Variants in FMN2 observed in about 807,000 individuals in gnomAD.
FMN2 encodes formin 2, also known as formin-2.
Under a neutral mutation model 142.3 loss-of-function variants are expected in FMN2, and 51 were observed. That is an observed-to-expected ratio of 0.36 (90% CI 0.29 to 0.45). The LOEUF (loss-of-function observed/expected upper bound fraction) is 0.45. FMN2 is among the 20% of genes least tolerant of loss of function. FMN2 has a pLI of 1.00. For synonymous variants in FMN2, 882 were observed against 869.8 expected (o/e 1.01, Z -0.25); for missense variants, 1,936 against 2,122.8 (o/e 0.91, Z 1.73).
chr1:240,207,040 C>T lies in FMN2; in HGVS notation c.2228C>T (p.Ser743Leu), dbSNP rs1397813836. 3.7e-6 allele frequency: 6 copies of T among 1,614,102 alleles called. No homozygotes were observed. Among genetic ancestry groups the T allele is most frequent in the Admixed American group, 1.7e-5 (1 of 60,010 alleles). ...VRHHRILEAK[S>L]IQTSPTEEGG... is the part of the protein sequence containing the mutation. ...CATCATAGGATTTTAGAGGCGAAAT[C>T]GATACAGACTTCCCCCACGGAAGAG... Residue 743 changes from serine (S) to leucine (L), a missense_variant, in exon 5 of 18, where the codon TCG (serine) becomes TTG (leucine). Physicochemically the swap from Ser to Leu is moderately radical, Grantham distance 145. Coordinates refer to ENST00000319653, the MANE Select transcript of FMN2 (RefSeq NM_020066.5).
At chr1:240,154,996 C>A (rs1479125636) in intron 2 of FMN2, among the ~76,000 whole-genome samples, 3 of 151,498 alleles carry the variant, frequency 2.0e-5, no homozygotes, top group Non-Finnish European at 4.4e-5. Flanking sequence ...AAGCAATCCC[C>A]CCCCCGACCT....
At chr1:240,263,644 C>G (rs78079900) in intron 7 of FMN2, among the ~76,000 whole-genome samples, 2 of 152,118 alleles carry the variant, frequency 1.3e-5, no homozygotes, top group Non-Finnish European at 2.9e-5. Flanking sequence ...GCCTTTCTTG[C>G]GTAGTGCTGG....
chr1:240,234,224 AT>A (rs1227424513), intron 6 of FMN2, among the ~76,000 whole-genome samples: 12 of 151,960 alleles, frequency 7.9e-5, no homozygotes, highest in Admixed American at 5.9e-4. Context: ...AAATTATTGA[AT>A]TTTTTTGCAT....
At chr1:240,178,885 A>C (rs746460296) in intron 3 of FMN2, among the ~76,000 whole-genome samples, 2 of 152,126 alleles carry the variant, frequency 1.3e-5, no homozygotes, top group Non-Finnish European at 2.9e-5. Context: ...CTAAATGGTA[A>C]CATAGATATT....
chr1:240,196,494 CT>C, intron 4 of FMN2, among the ~76,000 whole-genome samples: 1 of 152,160 alleles, frequency 6.6e-6, no homozygotes, highest in South Asian at 2.1e-4. Context: ...GCCCAGCAAT[CT>C]GTGTGTGTTT....
intron 4 of FMN2, among the ~76,000 whole-genome samples, chr1:240,195,528 G>A (rs1229137528): frequency 1.3e-5 from 2 of 152,152 alleles, no homozygotes; most frequent in Non-Finnish European, 2.9e-5. Flanking sequence ...ATTAAATAAA[G>A]TGTCTTTCAG....
intron 15 of FMN2, among the ~76,000 whole-genome samples, chr1:240,427,217 G>GT (rs1558485072): frequency 7.2e-6 from 1 of 138,110 alleles, no homozygotes; most frequent in Non-Finnish European, 1.5e-5. Context: ...TTTTGTTTTT[G>GT]TTTTTTTGAG....
chr1:240,194,056 TTTGTTG>T (rs138697334), intron 4 of FMN2, among the ~76,000 whole-genome samples: 3 of 152,140 alleles, frequency 2.0e-5, no homozygotes, highest in African/African-American at 7.2e-5. Context: ...TTGTTTGTTT[TTTGTTG>T]TTGTTGTTGT....
chr1:240,091,894 C>CGCAGCGACG lies in FMN2; in HGVS notation c.-210_-202dup, dbSNP rs1660978056. ...GCCGGCCCCTAGCCGCAGCCGCAGCCGCAGCGACGGCAGCCACGGGAGCCG... is the reference window on the plus strand; with the variant it reads ...GCCGGCCCCTAGCCGCAGCCGCAGCCGCAGCGACGGCAGCGACGGCAGCCACGGGAGCCG... On this transcript the variant is annotated 5_prime_UTR_variant, in exon 1 of 18. Transcript: ENST00000319653. 3 of 758,444 alleles carry CGCAGCGACG rather than the reference C, an allele frequency of 4.0e-6. No individual in the cohort carries two copies. The highest frequency in any genetic ancestry group is 4.4e-5 in the Admixed American group (1 of 22,742). 47.0% of individuals were successfully genotyped at this position (758,444 alleles called of 1,614,324 possible). A position where few individuals can be genotyped will look rare whatever the true frequency, so the allele number is the denominator to read the frequency against.
At chr1:240,131,290 A>G (rs1662723879) in intron 2 of FMN2, among the ~76,000 whole-genome samples, 1 of 152,118 alleles carries the variant, frequency 6.6e-6, no homozygotes, top group Non-Finnish European at 1.5e-5. Flanking sequence ...CCAAGTGGAG[A>G]TATTTATAGT....
At chr1:240,448,205 C>T (rs1207649940) in intron 16 of FMN2, among the ~76,000 whole-genome samples, 1 of 152,036 alleles carries the variant, frequency 6.6e-6, no homozygotes, top group East Asian at 1.9e-4. Flanking sequence ...ACAGCTCATT[C>T]CAGAATCAAA....
intron 4 of FMN2, among the ~76,000 whole-genome samples, chr1:240,199,853 T>C (rs1193764203): frequency 6.6e-6 from 1 of 152,210 alleles, no homozygotes; most frequent in East Asian, 1.9e-4. Context: ...ATAGGTTCTG[T>C]ACAAAATTGC....
At chr1:240,161,842 T>A (rs909714883) in intron 2 of FMN2, among the ~76,000 whole-genome samples, 2 of 152,172 alleles carry the variant, frequency 1.3e-5, no homozygotes, top group African/African-American at 2.4e-5. Flanking sequence ...AATGTTAATG[T>A]GAAAGATAAA....
chr1:240,105,786 G>A (rs1345919453), intron 1 of FMN2, among the ~76,000 whole-genome samples: 3 of 152,040 alleles, frequency 2.0e-5, no homozygotes, highest in Non-Finnish European at 2.9e-5. Context: ...CTTTATGAAC[G>A]TTATTTAAAT....
intron 3 of FMN2, among the ~76,000 whole-genome samples, chr1:240,178,990 A>C (rs2103325857): frequency 6.6e-6 from 1 of 152,326 alleles, no homozygotes; most frequent in South Asian, 2.1e-4. Context: ...GAAGAGCATA[A>C]CTTAAAAGCA....
At chr1:240,352,532 G>T (rs542899561) in intron 13 of FMN2, among the ~76,000 whole-genome samples, 1 of 152,260 alleles carries the variant, frequency 6.6e-6, no homozygotes, top group South Asian at 2.1e-4. Context: ...AGTGAGTCAA[G>T]ATCGTGCCAC....
intron 15 of FMN2, among the ~76,000 whole-genome samples, chr1:240,422,144 T>G (rs1158356422): frequency 6.6e-6 from 1 of 152,244 alleles, no homozygotes; most frequent in Non-Finnish European, 1.5e-5. Flanking sequence ...CATGCTGTCT[T>G]GATTACTATA....
intron 16 of FMN2, among the ~76,000 whole-genome samples, chr1:240,454,638 T>G (rs1676178193): frequency 1.3e-5 from 2 of 152,360 alleles, no homozygotes; most frequent in Non-Finnish European, 2.9e-5. Flanking sequence ...AGGACAAGGA[T>G]TGTGCCTCTT....
At chr1:240,297,793 T>A (rs1284315115) in intron 8 of FMN2, among the ~76,000 whole-genome samples, 1 of 152,102 alleles carries the variant, frequency 6.6e-6, no homozygotes, top group Non-Finnish European at 1.5e-5. Context: ...ATAGCCTAAA[T>A]GGCTTATGAA....
Sources: allele counts gnomAD v4.1 joint callset (sites outside exome capture counted in the v4.1 genomes callset), GRCh38; gene constraint gnomAD v4.1.1; transcripts MANE v1.5; gene names NCBI Gene and HGNC (gene_info 2026-07-23, HGNC 2026-07-21).